NELL1: variants seen among roughly 807,000 people sequenced by gnomAD.
NELL1 encodes the protein neural EGFL like 1.
In NELL1, 76 loss-of-function variants were observed where a neutral mutation model predicts 107.4. The observed-to-expected ratio is 0.71, with a 90% CI of 0.59 to 0.86. The LOEUF is 0.86. Ranked by LOEUF, NELL1 falls within the 40% of genes least tolerant of loss-of-function variation. NELL1 has a pLI of 0.00. For missense variants in NELL1, 1,024 were observed against 1,005.5 expected, an observed-to-expected ratio of 1.02 and a Z score of -0.25; for synonymous variants, 353 against 341.2, an observed-to-expected ratio of 1.03 and a Z score of -0.38.
intron 5 of NELL1, among the ~76,000 whole-genome samples, chr11:20,890,192 C>A (rs1250565352): frequency 6.6e-6 from 1 of 152,120 alleles, no homozygotes; most frequent in Non-Finnish European, 1.5e-5. Flanking sequence ...GTGACATCTC[C>A]AGGCATGGGA....
chr11:20,844,141 C>T (rs1848665994), intron 3 of NELL1, among the ~76,000 whole-genome samples: 1 of 152,112 alleles, frequency 6.6e-6, no homozygotes, highest in South Asian at 2.1e-4. Context: ...TGTACAAGTG[C>T]CTTTATTCCT....
chr11:20,806,060 T>A (rs1235364573), intron 3 of NELL1, among the ~76,000 whole-genome samples: 1 of 152,176 alleles, frequency 6.6e-6, no homozygotes, highest in African/African-American at 2.4e-5. Flanking sequence ...CCTGTGTTTT[T>A]TTGTGTACTT....
intron 12 of NELL1, among the ~76,000 whole-genome samples, chr11:21,095,128 C>CA (rs753301668): frequency 1.3e-5 from 2 of 152,196 alleles, no homozygotes; most frequent in Non-Finnish European, 2.9e-5. Flanking sequence ...TCATCTCTGT[C>CA]AAGTTCAAAG....
At chr11:21,139,258 G>A (rs1430784653) in intron 13 of NELL1, among the ~76,000 whole-genome samples, 1 of 152,140 alleles carries the variant, frequency 6.6e-6, no homozygotes, top group East Asian at 1.9e-4. Flanking sequence ...GCCATGACTG[G>A]TGAAGCCTAA....
intron 2 of NELL1, among the ~76,000 whole-genome samples, chr11:20,734,289 T>G (rs528830321): frequency 6.6e-6 from 1 of 152,296 alleles, no homozygotes; most frequent in East Asian, 1.9e-4. Context: ...AATTTAGATT[T>G]TGTTTTCCAT....
chr11:21,078,973 C>T (rs1487657565), intron 12 of NELL1, among the ~76,000 whole-genome samples: 1 of 151,454 alleles, frequency 6.6e-6, no homozygotes, highest in Non-Finnish European at 1.5e-5. Context: ...TAGCTTCCCA[C>T]TTATAAAGCA....
chr11:20,885,408 C>A, intron 4 of NELL1, 36 bp from the exon 5 acceptor site: 1 of 1,348,908 alleles, frequency 7.4e-7, no homozygotes, highest in Non-Finnish European at 1.1e-6. Flanking sequence ...CTGCTTTGAG[C>A]CTCTCTATTA....
chr11:20,696,213 T>C (rs1417628128), intron 2 of NELL1, among the ~76,000 whole-genome samples: 2 of 152,140 alleles, frequency 1.3e-5, no homozygotes, highest in Non-Finnish European at 2.9e-5. Flanking sequence ...TTGTTTATAC[T>C]TTCAAATACC....
chr11:21,467,953 T>C (rs1854073861), intron 15 of NELL1, among the ~76,000 whole-genome samples: 1 of 152,078 alleles, frequency 6.6e-6, no homozygotes. Flanking sequence ...TAAATATGGC[T>C]TTGGGACTGA....
chr11:21,387,731 A>AGT (rs1299896066), intron 15 of NELL1, among the ~76,000 whole-genome samples: 4 of 151,830 alleles, frequency 2.6e-5, no homozygotes, highest in African/African-American at 9.7e-5. Flanking sequence ...CTGAATTCTG[A>AGT]GTGTGTTACT....
chr11:21,529,838 A>C (rs2133965975), intron 15 of NELL1, among the ~76,000 whole-genome samples: 1 of 152,172 alleles, frequency 6.6e-6, no homozygotes, highest in Non-Finnish European at 1.5e-5. Flanking sequence ...TTTGTTTAAC[A>C]GTCACATGAT....
At chr11:21,176,242 C>CAA (rs1352480093) in intron 13 of NELL1, among the ~76,000 whole-genome samples, 2 of 151,848 alleles carry the variant, frequency 1.3e-5, no homozygotes, top group East Asian at 3.8e-4. Flanking sequence ...CCATCCTGCT[C>CAA]AAAATACCAA....
intron 5 of NELL1, among the ~76,000 whole-genome samples, chr11:20,913,684 C>A (rs1270291943): frequency 6.6e-6 from 1 of 151,934 alleles, no homozygotes; most frequent in East Asian, 1.9e-4. Context: ...AAAAAAAATC[C>A]ATTTTTCTGC....
chr11:20,858,589 C>T (rs897833602), intron 4 of NELL1, among the ~76,000 whole-genome samples: 1 of 152,172 alleles, frequency 6.6e-6, no homozygotes, highest in Non-Finnish European at 1.5e-5. Flanking sequence ...TGACCTTCTC[C>T]AACCAGGTAT....
chr11:21,336,811 A>G (rs1850413021), intron 14 of NELL1, among the ~76,000 whole-genome samples: 1 of 151,924 alleles, frequency 6.6e-6, no homozygotes, highest in Admixed American at 6.6e-5. Context: ...TGAAGTTATT[A>G]TATTAAAGAA....
intron 14 of NELL1, among the ~76,000 whole-genome samples, chr11:21,337,332 A>G (rs1360519832): frequency 1.3e-5 from 2 of 152,222 alleles, no homozygotes; most frequent in African/African-American, 4.8e-5. Flanking sequence ...ATTAATCAGG[A>G]TAGAAAAACT....
At chr11:20,996,981 C>CT (rs1302665091) in intron 12 of NELL1, among the ~76,000 whole-genome samples, 3 of 152,134 alleles carry the variant, frequency 2.0e-5, no homozygotes, top group Non-Finnish European at 2.9e-5. Context: ...CATATTTCTT[C>CT]TTTTTCCCTA....
intron 8 of NELL1, among the ~76,000 whole-genome samples, chr11:20,927,917 A>G (rs1209144105): frequency 6.6e-6 from 1 of 152,176 alleles, no homozygotes; most frequent in Non-Finnish European, 1.5e-5. Flanking sequence ...CATTATTTGT[A>G]TATCCCTTCA....
chr11:20,874,273 G>T (rs1356178185), intron 4 of NELL1, among the ~76,000 whole-genome samples: 1 of 151,916 alleles, frequency 6.6e-6, no homozygotes, highest in Non-Finnish European at 1.5e-5. Context: ...TCATCATATT[G>T]ATCAGGCTGG....
Sources: allele counts gnomAD v4.1 joint callset (sites outside exome capture counted in the v4.1 genomes callset), GRCh38; gene constraint gnomAD v4.1.1; transcripts MANE v1.5; gene names NCBI Gene and HGNC (gene_info 2026-07-23, HGNC 2026-07-21).